PRKG2: variants seen among roughly 807,000 people sequenced by gnomAD.
PRKG2 encodes protein kinase cGMP-dependent 2, also known as cGMP-dependent protein kinase 2.
A neutral mutation model predicts 97.2 loss-of-function variants in PRKG2; 33 were observed. The ratio of observed to expected loss-of-function variants is 0.34; its 90% CI spans 0.26 to 0.45. The LOEUF is 0.45. Ranked by LOEUF, PRKG2 falls within the 20% of genes least tolerant of loss-of-function variation. The pLI is 1.00. For synonymous variants in PRKG2, 330 were observed against 321.8 expected, an observed-to-expected ratio of 1.03 and a Z score of -0.27; for missense variants, 638 against 900.0, an observed-to-expected ratio of 0.71 and a Z score of 3.73.
intron 14 of PRKG2, among the ~76,000 whole-genome samples, chr4:81,127,043 T>A (rs763969169): frequency 1.3e-5 from 2 of 152,180 alleles, no homozygotes; most frequent in Non-Finnish European, 2.9e-5. Flanking sequence ...AATTTTTGTA[T>A]AAGATGTAAG....
chr4:81,178,412 T>C (rs1206496148), intron 2 of PRKG2, among the ~76,000 whole-genome samples: 1 of 151,704 alleles, frequency 6.6e-6, no homozygotes, highest in Admixed American at 6.6e-5. Flanking sequence ...AAAAAGACAA[T>C]AGAAACAGAA....
rs769858245 is a variant in PRKG2, at chr4:81,148,888, G to A, written c.1150C>T (p.Arg384Ter). 17 of 1,613,368 alleles carry A rather than the reference G, an allele frequency of 1.1e-5. No homozygotes were observed. Among genetic ancestry groups the A allele is most frequent in the Non-Finnish European group, 1.4e-5 (16 of 1,179,572 alleles). ...ENDVACLVID[R>*]ETFNQTVGTF... is the part of the protein sequence containing the mutation. ...CTCCAACATCAGTATACTCACTCTC[G>A]ATCTATAACCAGGCATGCAACATCA... Residue 384 changes from arginine to a stop codon, truncating the protein, a stop_gained, in exon 9 of 19, where the codon CGA (arginine) becomes TGA (stop). Coordinates refer to ENST00000264399, the MANE Select transcript of PRKG2 (RefSeq NM_006259.3). LOFTEE classifies it high-confidence loss of function.
At chr4:81,139,635 C>T (rs1299614608) in intron 12 of PRKG2, among the ~76,000 whole-genome samples, 1 of 151,236 alleles carries the variant, frequency 6.6e-6, no homozygotes, top group Non-Finnish European at 1.5e-5. Context: ...ATTAGCCAGG[C>T]ATGGTGGTGG....
At chr4:81,117,611 G>A (rs891132482) in intron 14 of PRKG2, among the ~76,000 whole-genome samples, 7 of 152,044 alleles carry the variant, frequency 4.6e-5, no homozygotes, top group South Asian at 2.1e-4. Flanking sequence ...TTCTCTCAGC[G>A]TCTATTAAGG....
chr4:81,113,899 A>C (rs1480334216), intron 14 of PRKG2, among the ~76,000 whole-genome samples: 1 of 152,184 alleles, frequency 6.6e-6, no homozygotes, highest in East Asian at 1.9e-4. Flanking sequence ...AAAAGAGGCA[A>C]CAATGGATGG....
intron 2 of PRKG2, among the ~76,000 whole-genome samples, chr4:81,200,879 G>A (rs1044634249): frequency 6.6e-6 from 1 of 152,150 alleles, no homozygotes; most frequent in African/African-American, 2.4e-5. Context: ...CAGGCTACAT[G>A]CCCACTGCAT....
chr4:81,209,260 T>C (rs1036644030), intron 1 of PRKG2, among the ~76,000 whole-genome samples: 4 of 152,218 alleles, frequency 2.6e-5, no homozygotes, highest in Non-Finnish European at 5.9e-5. Flanking sequence ...TAAGCTTTGT[T>C]TTCTGTTTTT....
chr4:81,182,783 A>T lies in PRKG2; in HGVS notation c.462-7824T>A, dbSNP rs557508400. 1.6e-4 allele frequency among the ~76,000 whole-genome samples: 24 copies of T among 152,198 alleles called. No homozygotes were observed. In the South Asian group the frequency reaches 4.8e-3, roughly 30 times the overall value. ...AACAATTAACATTAAAAAATTTTAA[A>T]TAATTCAAAACAGTATCAACTATGA... On this transcript the variant is annotated intron_variant, in intron 2 of 18. Transcript: ENST00000264399.
At position 81,151,955 on chromosome 4, in the gene PRKG2, T is replaced by A; in HGVS notation, c.1085+5A>T. The A allele has an allele frequency of 6.3e-7, 1 of 1,594,440 alleles. No homozygotes were observed. Among genetic ancestry groups the A allele is most frequent in the Non-Finnish European group, 8.6e-7 (1 of 1,164,452 alleles). On this transcript the variant is annotated splice_donor_5th_base_variant and intron_variant, in intron 8 of 18. Coordinates refer to ENST00000264399, the MANE Select transcript of PRKG2 (RefSeq NM_006259.3). ...CAAAGTATGGCATATAATTCATGAA[T>A]TCACCTGATAAGAGCTTTTTCTCCA...
intron 15 of PRKG2, among the ~76,000 whole-genome samples, chr4:81,108,445 A>G (rs1743571490): frequency 1.3e-5 from 2 of 150,992 alleles, no homozygotes. Flanking sequence ...TTGTTATGAT[A>G]TATTCAACTT....
intron 3 of PRKG2, 142 bp downstream of exon 3, chr4:81,174,651 T>C: frequency 2.6e-6 from 2 of 768,702 alleles, no homozygotes; most frequent in Non-Finnish European, 4.1e-6. Flanking sequence ...CATGATTAGA[T>C]CAACAATTTT....
chr4:81,200,315 T>C (rs139685449), intron 2 of PRKG2, among the ~76,000 whole-genome samples: 40 of 152,280 alleles, frequency 2.6e-4, no homozygotes, highest in Middle Eastern at 6.8e-3. Context: ...CCTCCATATA[T>C]GCCACAGTTG....
intron 4 of PRKG2, among the ~76,000 whole-genome samples, chr4:81,171,124 G>C (rs1750434771): frequency 6.6e-6 from 1 of 151,832 alleles, no homozygotes; most frequent in Non-Finnish European, 1.5e-5. Context: ...TAGGTATTTA[G>C]CCCCGCATAC....
rs1753662704 is a variant in PRKG2, at chr4:81,206,501, G to A, written c.-13-1441C>T. Among the ~76,000 whole-genome samples the A allele has an allele frequency of 2.0e-5, 3 of 152,114 alleles. No homozygotes were observed. The South Asian group carries it at 6.2e-4, about 32-fold the overall frequency. ...CTTCCCCAGCCATGTAGAACTGTGA[G>A]TCCATTAAACCCCTTTCCTTTACAA... On this transcript the variant is annotated intron_variant, in intron 1 of 18. Coordinates refer to ENST00000264399, the MANE Select transcript of PRKG2 (RefSeq NM_006259.3).
At chr4:81,140,350 C>A (rs1176360971) in intron 12 of PRKG2, among the ~76,000 whole-genome samples, 183 bp downstream of exon 12, 1 of 152,096 alleles carries the variant, frequency 6.6e-6, no homozygotes, top group Non-Finnish European at 1.5e-5. Flanking sequence ...GGGATGGATA[C>A]CCCATTTTCC....
intron 14 of PRKG2, among the ~76,000 whole-genome samples, chr4:81,129,940 A>G (rs1301876449): frequency 6.6e-6 from 1 of 152,160 alleles, no homozygotes; most frequent in Non-Finnish European, 1.5e-5. Context: ...TGTTCTTTAC[A>G]ATTTGCAATG....
rs151322607 is a variant in PRKG2 at position 81,109,191 on chromosome 4, T to C, written c.1940+1257A>G. On this transcript the variant is annotated intron_variant, in intron 15 of 18. Transcript: ENST00000264399. ...ACAGACAATATAAAATGGTCTTTCA[T>C]ATTTGTTTGCTCAATGCAAGGTGTA... Among the ~76,000 whole-genome samples the C allele has an allele frequency of 3.0e-3, 445 of 150,320 alleles. 1 individual carries two copies. Among genetic ancestry groups the C allele is most frequent in the African/African-American group, 0.01 (420 of 40,118 alleles).
intron 1 of PRKG2, among the ~76,000 whole-genome samples, chr4:81,206,819 C>G (rs921532445): frequency 6.6e-6 from 1 of 152,188 alleles, no homozygotes; most frequent in Admixed American, 6.5e-5. Context: ...AACACAGCAT[C>G]TAGATTTCAA....
chr4:81,190,046 T>C (rs959623906), intron 2 of PRKG2, among the ~76,000 whole-genome samples: 12 of 152,136 alleles, frequency 7.9e-5, no homozygotes, highest in Non-Finnish European at 1.3e-4. Context: ...CAAGCTACCA[T>C]TGATTTCCAT....
Sources: allele counts gnomAD v4.1 joint callset (sites outside exome capture counted in the v4.1 genomes callset), GRCh38; gene constraint gnomAD v4.1.1; transcripts MANE v1.5; gene names NCBI Gene and HGNC (gene_info 2026-07-23, HGNC 2026-07-21).